ARNT2: variants seen among roughly 807,000 people sequenced by gnomAD.
The protein encoded by ARNT2 is aryl hydrocarbon receptor nuclear translocator 2.
A neutral mutation model predicts 91.7 loss-of-function variants in ARNT2; 36 were observed. The ratio of observed to expected loss-of-function variants is 0.39; its 90% CI spans 0.30 to 0.52. The LOEUF (loss-of-function observed/expected upper bound fraction) is 0.52. ARNT2 is among the 20% of genes least tolerant of loss of function. The pLI, the probability that ARNT2 is intolerant of heterozygous loss-of-function variation, is 0.72. For missense variants in ARNT2, 775 were observed against 939.3 expected, an observed-to-expected ratio of 0.83 and a Z score of 2.29; for synonymous variants, 365 against 347.1, an observed-to-expected ratio of 1.05 and a Z score of -0.57.
chr15:80,436,643 G>A (rs569857580), intron 1 of ARNT2, among the ~76,000 whole-genome samples: 2 of 152,318 alleles, frequency 1.3e-5, no homozygotes, highest in South Asian at 4.1e-4. Context: ...CTGGCACCAG[G>A]AAGGATGGTA....
chr15:80,457,808 A>G (rs946118818), intron 2 of ARNT2, 121 bp from the exon 3 acceptor site: 2 of 1,054,458 alleles, frequency 1.9e-6, no homozygotes, highest in African/African-American at 1.6e-5. Context: ...AGCACTGCCA[A>G]AGGTTGGGAT....
intron 1 of ARNT2, chr15:80,441,086 C>T: frequency 2.8e-6 from 1 of 356,470 alleles, no homozygotes; most frequent in Non-Finnish European, 3.9e-6. Context: ...TTCAAATATG[C>T]ATTTGTTATG....
At position 80,591,925 on chromosome 15, in the gene ARNT2, G is replaced by A. The variant is rs753693239; in HGVS notation, c.2055+221G>A. Among the ~76,000 whole-genome samples, 2 of 152,194 alleles carry A rather than the reference G, an allele frequency of 1.3e-5. No homozygotes were observed. Among genetic ancestry groups the A allele is most frequent in the East Asian group, 1.9e-4 (1 of 5,190 alleles). On this transcript the variant is annotated intron_variant, in intron 18 of 18. Transcript: ENST00000303329. The surrounding 1 kb of genome is among the most constrained non-coding windows in gnomAD (Gnocchi z 5.1). ...GGGGCTGATGTAGCCTTCGAGCTAAGCCACACAATAGAGGAGGCTGCAGTT... is the reference window on the plus strand; with the variant it reads ...GGGGCTGATGTAGCCTTCGAGCTAAACCACACAATAGAGGAGGCTGCAGTT...
intron 16 of ARNT2, 31 bp from the exon 17 acceptor site, chr15:80,581,208 T>C (rs777161088): frequency 4.3e-6 from 7 of 1,610,534 alleles, no homozygotes; most frequent in Non-Finnish European, 5.9e-6. Flanking sequence ...CTGGTGATGC[T>C]TTCCATCTCT....
chr15:80,557,173 C>T (rs1898207545), intron 11 of ARNT2, among the ~76,000 whole-genome samples: 1 of 152,112 alleles, frequency 6.6e-6, no homozygotes, highest in Non-Finnish European at 1.5e-5. Context: ...GAACTCTTAA[C>T]CCCCACTCCT....
chr15:80,543,678 C>A (rs1318217793), intron 8 of ARNT2, among the ~76,000 whole-genome samples: 2 of 152,156 alleles, frequency 1.3e-5, no homozygotes, highest in Non-Finnish European at 2.9e-5. Context: ...TGGATTGTTT[C>A]TATTGTTATG....
chr15:80,451,534 G>T (rs964617861), intron 2 of ARNT2, among the ~76,000 whole-genome samples: 2 of 152,146 alleles, frequency 1.3e-5, no homozygotes, highest in Non-Finnish European at 2.9e-5. Context: ...GTTCTGATAG[G>T]GCCAGAAATG....
intron 12 of ARNT2, among the ~76,000 whole-genome samples, chr15:80,568,736 A>G (rs1898530905): frequency 6.6e-6 from 1 of 152,224 alleles, no homozygotes. Context: ...GCAACCTGGC[A>G]CAGAACCAGA....
rs575717582 is a variant in ARNT2 at position 80,584,579 on chromosome 15, G to T, written c.1918+3175G>T. Among the ~76,000 whole-genome samples, 3 of 152,302 alleles carry T rather than the reference G, an allele frequency of 2.0e-5. No individual in the cohort carries two copies. The East Asian group carries it at 5.8e-4, about 29-fold the overall frequency. ...GAGTGGAGAAGGAACAGAGCAGTCT[G>T]CCCCATTAATGGTCAGTTTCATTAA... On this transcript the variant is annotated intron_variant, in intron 17 of 18. Coordinates refer to ENST00000303329, the MANE Select transcript of ARNT2 (RefSeq NM_014862.4).
chr15:80,567,768 C>T (rs964255401), intron 12 of ARNT2, among the ~76,000 whole-genome samples: 2 of 152,234 alleles, frequency 1.3e-5, no homozygotes, highest in African/African-American at 4.8e-5. Flanking sequence ...GGCACAGTTA[C>T]ACCAGAAGCC....
chr15:80,425,306 A>C (rs1895917454), intron 1 of ARNT2, among the ~76,000 whole-genome samples: 1 of 152,194 alleles, frequency 6.6e-6, no homozygotes. Context: ...AATGGTGGTC[A>C]TTTTTTGTTT....
At chr15:80,589,318 T>C (rs539549070) in intron 17 of ARNT2, among the ~76,000 whole-genome samples, 1 of 151,508 alleles carries the variant, frequency 6.6e-6, no homozygotes, top group South Asian at 2.1e-4. Flanking sequence ...TTGCACAGGG[T>C]TGAGAAGGGA....
intron 8 of ARNT2, among the ~76,000 whole-genome samples, chr15:80,523,230 G>A (rs1232043456): frequency 6.6e-6 from 1 of 152,204 alleles, no homozygotes; most frequent in Non-Finnish European, 1.5e-5. Flanking sequence ...ACCACTGGAA[G>A]GGAGATTTCC....
chr15:80,427,804 A>G (rs1895953451), intron 1 of ARNT2, among the ~76,000 whole-genome samples: 1 of 152,220 alleles, frequency 6.6e-6, no homozygotes, highest in African/African-American at 2.4e-5. Context: ...CTGCATTTAG[A>G]CAGTCCCAGC....
intron 2 of ARNT2, among the ~76,000 whole-genome samples, 181 bp downstream of exon 2, chr15:80,451,175 C>T (rs1229470783): frequency 2.0e-5 from 3 of 152,212 alleles, no homozygotes; most frequent in African/African-American, 4.8e-5. Context: ...TTTTGGGCCT[C>T]GGCACCCAGC....
In ARNT2 at chr15:80,596,308, C is replaced by T. The variant is rs1174750155; in HGVS notation, c.*2610C>T. The stretch of plus-strand genomic sequence containing the variant: ...CAGCCTCCTTCCCTTCCAGCTCTGT[C>T]CTAGGAGCATAGGCGGGAAATCTGA... On this transcript the variant is annotated 3_prime_UTR_variant, in exon 19 of 19. Coordinates refer to ENST00000303329, the MANE Select transcript of ARNT2 (RefSeq NM_014862.4). The T allele has an allele frequency of 6.6e-6, 1 of 152,142 alleles. No homozygotes were observed. Among genetic ancestry groups the T allele is most frequent in the Non-Finnish European group, 1.5e-5 (1 of 68,044 alleles). 9.4% of individuals were successfully genotyped at this position (152,142 alleles called of 1,614,324 possible).
At chr15:80,416,626 TTTTG>T (rs143681861) in intron 1 of ARNT2, among the ~76,000 whole-genome samples, 37,299 of 151,892 alleles carry the variant, frequency 0.25, 5,259 homozygotes, top group South Asian at 0.33. Flanking sequence ...TCTCAGTTTT[TTTTG>T]TTTGTTTGTT....
At chr15:80,505,224 C>A (rs1028492324) in intron 5 of ARNT2, among the ~76,000 whole-genome samples, 1 of 152,180 alleles carries the variant, frequency 6.6e-6, no homozygotes, top group African/African-American at 2.4e-5. Flanking sequence ...ACTGGCGTCA[C>A]ATAAATGGTA....
intron 1 of ARNT2, among the ~76,000 whole-genome samples, chr15:80,421,068 C>T (rs1358687692): frequency 1.3e-5 from 2 of 152,120 alleles, no homozygotes; most frequent in Admixed American, 6.5e-5. Context: ...GAATACTACT[C>T]AGCCATAAAA....
Sources: gnomAD v4.1 joint callset for allele counts (sites outside exome capture counted in the v4.1 genomes callset) on GRCh38, gnomAD v4.1.1 for gene constraint, Gnocchi (gnomAD v3.1) non-coding constraint, MANE v1.5 for transcripts, NCBI Gene and HGNC (gene_info 2026-07-23, HGNC 2026-07-21) for gene names.